HERC1: variants seen among roughly 807,000 people sequenced by gnomAD.
HERC1 encodes probable E3 ubiquitin-protein ligase HERC1.
Under a neutral mutation model 554.3 loss-of-function variants are expected in HERC1, and 160 were observed. The ratio of observed to expected loss-of-function variants is 0.29; its 90% CI spans 0.25 to 0.33. The LOEUF (loss-of-function observed/expected upper bound fraction) is 0.33. Ranked by LOEUF, HERC1 falls within the 10% of genes least tolerant of loss-of-function variation. The pLI is 1.00. For synonymous variants in HERC1, 2,175 were observed against 2,131.7 expected (o/e 1.02, Z -0.56); for missense variants, 4,919 against 5,918.5 (o/e 0.83, Z 5.54).
At chr15:63,700,046 C>G (rs954274247) in intron 25 of HERC1, among the ~76,000 whole-genome samples, 1 of 152,118 alleles carries the variant, frequency 6.6e-6, no homozygotes, top group African/African-American at 2.4e-5. Flanking sequence ...TTTGCTCCTC[C>G]TCCAGCCCAT....
At chr15:63,774,612 T>G (rs1360305310) in intron 2 of HERC1, 82 bp downstream of exon 2, 6 of 995,688 alleles carry the variant, frequency 6.0e-6, no homozygotes, top group Non-Finnish European at 8.8e-6. Flanking sequence ...AATCATTCAC[T>G]ATTACCACCA....
In HERC1 at chr15:63,775,054, G is replaced by A. The variant is rs2228514; in HGVS notation, c.570C>T (p.Asn190=). Reference sequence around the variant, plus strand: ...CTTCAATTGCAGTATGAATGACATCGTTGCAAAGACTGAGACCAGGTCCTG... The same window carrying A: ...CTTCAATTGCAGTATGAATGACATCATTGCAAAGACTGAGACCAGGTCCTG... The part of the protein sequence containing the change: ...PVSGPGLSLC[N]DVIHTAIEVV... Residue 190 remains asparagine (N), a synonymous_variant, in exon 2 of 78, where the codon AAC becomes AAT. Transcript: ENST00000443617. This position sits in a 1 kb window ranked among gnomAD's most constrained non-coding sequence, Gnocchi z 4.0. 2,152 of 1,613,934 alleles carry A rather than the reference G, an allele frequency of 1.3e-3. 29 individuals are homozygous for A. In the African/African-American group the frequency reaches 0.025, roughly 19 times the overall value.
chr15:63,679,199 G>A (rs1419504155), intron 36 of HERC1, among the ~76,000 whole-genome samples: 2 of 152,188 alleles, frequency 1.3e-5, no homozygotes, highest in Non-Finnish European at 2.9e-5. Flanking sequence ...ACTACTTTGG[G>A]CTGCAAACCT....
At chr15:63,679,219 A>G (rs1240248938) in intron 36 of HERC1, among the ~76,000 whole-genome samples, 2 of 152,250 alleles carry the variant, frequency 1.3e-5, no homozygotes, top group Non-Finnish European at 2.9e-5. Flanking sequence ...TACATAGGGC[A>G]AGGGATGGTA....
intron 1 of HERC1, among the ~76,000 whole-genome samples, chr15:63,830,889 T>C (rs565850974): frequency 1.3e-5 from 2 of 152,324 alleles, no homozygotes; most frequent in South Asian, 2.1e-4. Flanking sequence ...GGATCTGGCA[T>C]CTAGTAAGTA....
intron 34 of HERC1, among the ~76,000 whole-genome samples, chr15:63,683,545 T>C (rs1421624474): frequency 6.6e-6 from 1 of 152,206 alleles, no homozygotes; most frequent in African/African-American, 2.4e-5. Context: ...TATTTCTGAG[T>C]GGGTCAATCT....
chr15:63,755,299 G>A lies in HERC1; in HGVS notation c.1560C>T (p.Tyr520=), dbSNP rs2075385562. Reference sequence around the variant, plus strand: ...CCTCTGTGACAGCAGCACTATGTCTGTATCCAGCTGACACACAAACAACTA... The same window carrying A: ...CCTCTGTGACAGCAGCACTATGTCTATATCCAGCTGACACACAAACAACTA... ...GKVVVCVSAG[Y]RHSAAVTEDG... Residue 520 remains tyrosine, a synonymous_variant, in exon 6 of 78, where the codon TAC becomes TAT. Coordinates refer to ENST00000443617, the MANE Select transcript of HERC1 (RefSeq NM_003922.4). The A allele has an allele frequency of 6.2e-7, 1 of 1,613,566 alleles. No homozygotes were observed. Among genetic ancestry groups the A allele is most frequent in the Non-Finnish European group, 8.5e-7 (1 of 1,179,674 alleles).
intron 1 of HERC1, among the ~76,000 whole-genome samples, chr15:63,807,313 A>G (rs1046415371): frequency 1.5e-4 from 23 of 152,148 alleles, no homozygotes; most frequent in Non-Finnish European, 2.9e-4. Flanking sequence ...AGAGGCACAC[A>G]TAGGAGGAAA....
At chr15:63,769,027 T>G (rs1331942027) in intron 2 of HERC1, among the ~76,000 whole-genome samples, 1 of 152,148 alleles carries the variant, frequency 6.6e-6, no homozygotes, top group African/African-American at 2.4e-5. Flanking sequence ...CCACAAACAC[T>G]GTAATGACTG....
chr15:63,814,667 C>T (rs1233708350), intron 1 of HERC1, among the ~76,000 whole-genome samples: 1 of 152,142 alleles, frequency 6.6e-6, no homozygotes, highest in African/African-American at 2.4e-5. Context: ...CAGGGTTTTG[C>T]CATGTTGGCC....
At chr15:63,736,437 C>G (rs1161060585) in intron 12 of HERC1, among the ~76,000 whole-genome samples, 1 of 152,198 alleles carries the variant, frequency 6.6e-6, no homozygotes, top group East Asian at 1.9e-4. Flanking sequence ...TTAGAAGAGC[C>G]TTCCTTTGAA....
At chr15:63,609,540 G>T (rs1217259132) in intron 77 of HERC1, among the ~76,000 whole-genome samples, 3 of 152,222 alleles carry the variant, frequency 2.0e-5, no homozygotes, top group African/African-American at 7.2e-5. Flanking sequence ...AGGATTGCTT[G>T]AGAGAATACA....
Position 63,656,234 on chromosome 15 carries a change from T to C in HERC1, c.9724A>G (p.Met3242Val), listed in dbSNP as rs1282518771. The C allele has an allele frequency of 1.2e-6, 2 of 1,613,680 alleles. No homozygotes were observed. Among genetic ancestry groups the C allele is most frequent in the South Asian group, 1.1e-5 (1 of 91,052 alleles). ...RAGLSTSPSA[M>V]ASTSERSRGG... is the part of the protein sequence containing the mutation. ...CGTGATCGTTCTGAGGTGCTAGCCA[T>C]GGCAGAAGGGCTGGTGGAGAGGCCA... Residue 3242 changes from methionine to valine, a missense_variant, in exon 49 of 78, where the codon ATG (methionine) becomes GTG (valine). Around this residue, in one of 11 missense-constraint regions of HERC1, gnomAD observed 1,963 missense variants for 2,228.6 expected, o/e 0.88. Coordinates refer to ENST00000443617, the MANE Select transcript of HERC1 (RefSeq NM_003922.4).
intron 24 of HERC1, among the ~76,000 whole-genome samples, chr15:63,707,473 G>C (rs577987893): frequency 6.6e-6 from 1 of 152,290 alleles, no homozygotes; most frequent in East Asian, 1.9e-4. Context: ...TGTATCTGGT[G>C]GGGGGATGTA....
intron 17 of HERC1, among the ~76,000 whole-genome samples, chr15:63,726,167 A>C (rs2074032199): frequency 1.3e-5 from 2 of 152,146 alleles, no homozygotes; most frequent in South Asian, 4.1e-4. Flanking sequence ...TTTTTAGTAG[A>C]GATGGGGTTT....
chr15:63,652,869 C>T (rs1331727566), intron 51 of HERC1, among the ~76,000 whole-genome samples: 2 of 152,128 alleles, frequency 1.3e-5, no homozygotes, highest in Non-Finnish European at 2.9e-5. Flanking sequence ...AGGCTGGTCT[C>T]GAATGCCTGG....
chr15:63,651,544 T>C (rs2069677632), intron 52 of HERC1, among the ~76,000 whole-genome samples, 164 bp from the exon 53 acceptor site: 1 of 152,236 alleles, frequency 6.6e-6, no homozygotes, highest in Non-Finnish European at 1.5e-5. Flanking sequence ...CTCATTAATG[T>C]TTGTCATCAT....
At chr15:63,658,866 G>A (rs913224978) in intron 47 of HERC1, 148 bp from the exon 48 acceptor site, 2 of 532,726 alleles carry the variant, frequency 3.8e-6, no homozygotes, top group Admixed American at 7.1e-5. Context: ...AATTTCTTAG[G>A]AGAAACTCAC....
In HERC1 at chr15:63,661,989, C is replaced by T. The variant is rs1475345397; in HGVS notation, c.8934G>A (p.Val2978=). 2 of 1,613,594 alleles carry T rather than the reference C, an allele frequency of 1.2e-6. No homozygotes were observed. The highest frequency in any genetic ancestry group is 1.7e-6 in the Non-Finnish European group (2 of 1,179,682). ...HVCESEDREE[V]VVCELCECSV... Reference sequence around the variant, plus strand: ...TGCATTCACACAGTTCACACACCACCACTTCTTCCCTGTCTTCAGACTCAC... The same window carrying T: ...TGCATTCACACAGTTCACACACCACTACTTCTTCCCTGTCTTCAGACTCAC... The change falls in exon 45 of 78, where the codon GTG becomes GTA. Residue 2978 remains valine, a synonymous_variant. Coordinates refer to ENST00000443617, the MANE Select transcript of HERC1 (RefSeq NM_003922.4).
Sources: allele counts gnomAD v4.1 joint callset (sites outside exome capture counted in the v4.1 genomes callset), GRCh38; gene constraint gnomAD v4.1.1; regional missense constraint gnomAD v4.1.1; non-coding constraint Gnocchi (gnomAD v3.1); transcripts MANE v1.5; gene names NCBI Gene and HGNC (gene_info 2026-07-23, HGNC 2026-07-21).